TMEM44: variants seen among roughly 807,000 people sequenced by gnomAD.
The protein encoded by TMEM44 is transmembrane protein 44.
In TMEM44, 43 loss-of-function variants were observed where a neutral mutation model predicts 47.8. That is an observed-to-expected ratio of 0.90 (90% confidence interval 0.70 to 1.16). The LOEUF (loss-of-function observed/expected upper bound fraction) is 1.16, where lower values mean the gene tolerates loss of function less well. Among genes scored for constraint, TMEM44 ranks in the 50% most tolerant of loss-of-function variants. TMEM44 has a pLI of 0.00. For synonymous variants in TMEM44, 277 were observed against 238.8 expected (o/e 1.16, Z -1.48); for missense variants, 568 against 555.2 (o/e 1.02, Z -0.23).
intron 9 of TMEM44, among the ~76,000 whole-genome samples, chr3:194,603,429 G>T (rs911773748): frequency 6.6e-6 from 1 of 151,904 alleles, no homozygotes; most frequent in Non-Finnish European, 1.5e-5. Flanking sequence ...ATGGAGTCTC[G>T]CTCTGTTGGC....
chr3:194,588,649 A>G lies in TMEM44; in HGVS notation c.1177-10T>C, dbSNP rs1214768545. The G allele has an allele frequency of 1.2e-6, 2 of 1,612,770 alleles. No individual in the cohort carries two copies. Among genetic ancestry groups the G allele is most frequent in the African/African-American group, 2.7e-5 (2 of 74,898 alleles). On this transcript the variant is annotated splice_polypyrimidine_tract_variant and intron_variant, in intron 9 of 9. Coordinates refer to ENST00000347147, the MANE Select transcript of TMEM44 (RefSeq NM_001011655.3). ...CATCTTCAGGGTCCCACTATGGAGA[A>G]AAGATGCAAAGGGTAGCTGGGTGGA...
Position 194,633,099 on chromosome 3 carries a change from G to A in TMEM44, c.117C>T (p.Cys39=). ...ATTACAGCGCGTGGGCGGCGATCCA[G>A]CAGGAGGAGGCGCAGATCCACAGGC... ...SFGLWICASS[C]WIAAHALLLY... is the part of the protein sequence containing the mutation. Residue 39 remains cysteine, a synonymous_variant, in exon 1 of 10, where the codon TGC becomes TGT. Transcript: ENST00000347147. 6.5e-7 allele frequency: 1 copy of A among 1,549,722 alleles called. No individual in the cohort carries two copies. Among genetic ancestry groups the A allele is most frequent in the Non-Finnish European group, 8.7e-7 (1 of 1,147,120 alleles).
At chr3:194,619,230 C>T (rs1716269107) in intron 5 of TMEM44, among the ~76,000 whole-genome samples, 1 of 152,228 alleles carries the variant, frequency 6.6e-6, no homozygotes, top group South Asian at 2.1e-4. Flanking sequence ...CCAAATCAGT[C>T]CCTTCTCAGG....
intron 3 of TMEM44, among the ~76,000 whole-genome samples, chr3:194,625,384 C>T (rs148555674): frequency 6.6e-6 from 1 of 151,894 alleles, no homozygotes; most frequent in East Asian, 1.9e-4. Context: ...ACAGTGTGCA[C>T]ACACCTCCAA....
Position 194,628,453 on chromosome 3 carries a change from G to T in TMEM44, c.194C>A (p.Ala65Asp). 1 of 1,613,518 alleles carries T rather than the reference G, an allele frequency of 6.2e-7. No homozygotes were observed. Among genetic ancestry groups the T allele is most frequent in the South Asian group, 1.1e-5 (1 of 90,910 alleles). ...CAGACTGGTCAGGAGGCAGCACGCA[G>T]CACACAGTGCCGACTGGTCCTGTCT... is the stretch of plus-strand genomic sequence containing the variant. ...KPRQDQSALC[A>D]ACCLLTSLCD... Residue 65 changes from alanine to aspartate, a missense_variant, in exon 2 of 10, where the codon GCT (alanine) becomes GAT (aspartate). Physicochemically the swap from Ala to Asp is moderately radical, Grantham distance 126. Transcript: ENST00000347147.
intron 3 of TMEM44, 128 bp downstream of exon 3, chr3:194,625,769 C>G: frequency 1.3e-6 from 1 of 799,692 alleles, no homozygotes; most frequent in East Asian, 2.7e-5. Flanking sequence ...CGTGAGCCAC[C>G]GCGCCCAGCC....
At position 194,617,129 on chromosome 3, in the gene TMEM44, G is replaced by A. The variant is rs879091304; in HGVS notation, c.753C>T (p.Thr251=). Residue 251 remains threonine (T), a synonymous_variant, in exon 6 of 10, where the codon ACC becomes ACT. Coordinates refer to ENST00000347147, the MANE Select transcript of TMEM44 (RefSeq NM_001011655.3). ...YLLRATPWFL[T]SLGRAALDLA... is the part of the protein sequence containing the mutation. Reference sequence around the variant, plus strand: ...GGTCCAGTGCCGCACGGCCGAGGGAGGTCAGGAACCAGGGTGTGGCCCGCA... The same window carrying A: ...GGTCCAGTGCCGCACGGCCGAGGGAAGTCAGGAACCAGGGTGTGGCCCGCA... The A allele has an allele frequency of 2.6e-6, 4 of 1,558,422 alleles. No individual in the cohort carries two copies. In the South Asian group the frequency reaches 4.8e-5, roughly 19 times the overall value.
At chr3:194,591,449 A>T (rs924100792) in intron 9 of TMEM44, among the ~76,000 whole-genome samples, 1 of 152,180 alleles carries the variant, frequency 6.6e-6, no homozygotes, top group Non-Finnish European at 1.5e-5. Flanking sequence ...AGCCGAGATC[A>T]CGCCACTGTA....
At chr3:194,620,488 T>C (rs958640780) in intron 5 of TMEM44, among the ~76,000 whole-genome samples, 4 of 152,060 alleles carry the variant, frequency 2.6e-5, no homozygotes, top group Non-Finnish European at 5.9e-5. Flanking sequence ...ACTCCTACCA[T>C]GATCAGGTCC....
chr3:194,604,168 G>A, intron 9 of TMEM44, 119 bp downstream of exon 9: 3 of 1,261,496 alleles, frequency 2.4e-6, no homozygotes, highest in South Asian at 1.5e-5. Context: ...TCATTATTTA[G>A]CAGGTATGAG....
At chr3:194,615,513 T>TA in intron 7 of TMEM44, 56 bp downstream of exon 7, 5 of 1,594,446 alleles carry the variant, frequency 3.1e-6, no homozygotes, top group Non-Finnish European at 4.3e-6. Context: ...TTTCTCAAGA[T>TA]ACTGTTGCTG....
Position 194,623,587 on chromosome 3 carries a change from G to C in TMEM44, c.467C>G (p.Pro156Arg). The change falls in exon 4 of 10, where the codon CCG (proline) becomes CGG (arginine). Residue 156 changes from proline to arginine, a missense_variant. Transcript: ENST00000347147. ...GPCWALWVAV[P>R]KASATIRGPQ... Reference sequence around the variant, plus strand: ...CCCCCGGATGGTGGCTGAAGCCTTCGGGACAGCAACCCACAGAGCCCAGCA... The same window carrying C: ...CCCCCGGATGGTGGCTGAAGCCTTCCGGACAGCAACCCACAGAGCCCAGCA... The C allele has an allele frequency of 1.9e-6, 3 of 1,611,302 alleles. No homozygotes were observed. The highest frequency in any genetic ancestry group is 1.7e-6 in the Non-Finnish European group (2 of 1,179,456).
intron 8 of TMEM44, among the ~76,000 whole-genome samples, chr3:194,605,291 G>A (rs567771228): frequency 5.3e-5 from 8 of 152,208 alleles, no homozygotes; most frequent in Non-Finnish European, 1.0e-4. Context: ...AGTCCTGCAG[G>A]ATTCACATCA....
intron 5 of TMEM44, among the ~76,000 whole-genome samples, chr3:194,621,913 T>C (rs1446848889): frequency 6.6e-6 from 1 of 152,180 alleles, no homozygotes; most frequent in Non-Finnish European, 1.5e-5. Flanking sequence ...GGTTTCAGCA[T>C]GTTGGCCAGG....
intron 2 of TMEM44, 125 bp downstream of exon 2, chr3:194,628,258 T>A: frequency 7.6e-7 from 1 of 1,312,236 alleles, no homozygotes; most frequent in East Asian, 2.7e-5. Context: ...GCACAGGTTC[T>A]GAGGTGACAC....
chr3:194,632,859 C>T (rs1717962395), intron 1 of TMEM44: 4 of 794,764 alleles, frequency 5.0e-6, no homozygotes, highest in South Asian at 1.9e-5. Context: ...GCTGCACCAC[C>T]CAGCCTCCTC....
intron 9 of TMEM44, among the ~76,000 whole-genome samples, chr3:194,591,873 T>G (rs58227381): frequency 6.6e-6 from 1 of 152,028 alleles, no homozygotes; most frequent in Non-Finnish European, 1.5e-5. Context: ...TTCCAAAGTG[T>G]TGGGATTACA....
chr3:194,608,345 C>A (rs1179194616), intron 8 of TMEM44, among the ~76,000 whole-genome samples: 6 of 152,216 alleles, frequency 3.9e-5, no homozygotes, highest in African/African-American at 1.2e-4. Flanking sequence ...TGTGTCTGGG[C>A]AGCCTGGCAG....
At chr3:194,588,755 C>T (rs1176987737) in intron 9 of TMEM44, 116 bp from the exon 10 acceptor site, 1 of 1,027,604 alleles carries the variant, frequency 9.7e-7, no homozygotes, top group East Asian at 2.4e-5. Flanking sequence ...CAGGCACAGA[C>T]AAGGACAAAA....
Sources: gnomAD v4.1 joint callset for allele counts (sites outside exome capture counted in the v4.1 genomes callset) on GRCh38, gnomAD v4.1.1 for gene constraint, MANE v1.5 for transcripts, NCBI Gene and HGNC (gene_info 2026-07-23, HGNC 2026-07-21) for gene names.